The following CCBE1 variants were observed in gnomAD, a reference collection of about 807,000 sequenced individuals.
CCBE1 encodes collagen and calcium binding EGF domains 1.
CCBE1 carries 37 observed loss-of-function variants against 50.0 expected under a neutral mutation model. That is an observed-to-expected ratio of 0.74 (90% CI 0.57 to 0.97). The LOEUF is 0.97. Ranked by LOEUF, CCBE1 falls within the 50% of genes least tolerant of loss-of-function variation. The pLI, the probability that CCBE1 is intolerant of heterozygous loss-of-function variation, is 0.00. For missense variants in CCBE1, 538 were observed against 523.8 expected, an observed-to-expected ratio of 1.03 and a Z score of -0.26; for synonymous variants, 234 against 203.7, an observed-to-expected ratio of 1.15 and a Z score of -1.27.
intron 2 of CCBE1, among the ~76,000 whole-genome samples, chr18:59,539,445 A>G (rs1226288367): frequency 6.6e-6 from 1 of 152,132 alleles, no homozygotes; most frequent in Admixed American, 6.5e-5. Context: ...CAAACTTAGA[A>G]CAGCTATGGT....
At position 59,567,528 on chromosome 18, in the gene CCBE1, A is replaced by G. The variant is rs960184933; in HGVS notation, c.213-87290T>C. ...AATCCAGCAGACAGCGATGGGAAGC[A>G]AATGATTGCAGTCATGCTTTTTCCT... On this transcript the variant is annotated intron_variant, in intron 2 of 10. Coordinates refer to ENST00000439986, the MANE Select transcript of CCBE1 (RefSeq NM_133459.4). Among the ~76,000 whole-genome samples, 4 of 152,226 alleles carry G rather than the reference A, an allele frequency of 2.6e-5. No homozygotes were observed. In the East Asian group the frequency reaches 7.7e-4, roughly 29 times the overall value.
intron 2 of CCBE1, among the ~76,000 whole-genome samples, chr18:59,612,938 C>G (rs1208959477): frequency 6.7e-6 from 1 of 149,976 alleles, no homozygotes; most frequent in East Asian, 2.0e-4. Flanking sequence ...GAAGGCAAGA[C>G]TCACACATGT....
Position 59,586,230 on chromosome 18 carries a change from T to A in CCBE1, c.213-105992A>T, listed in dbSNP as rs186139044. Among the ~76,000 whole-genome samples, 127 of 152,268 alleles carry A rather than the reference T, an allele frequency of 8.3e-4. 1 individual carries two copies. Among genetic ancestry groups the A allele is most frequent in the Admixed American group, 2.4e-3 (37 of 15,288 alleles). On this transcript the variant is annotated intron_variant, in intron 2 of 10. Transcript: ENST00000439986. Reference sequence around the variant, plus strand: ...TTTTAAAACAAAAGTCACATGATACTCCCTGGGAAGAAGAGGGAATGAGCC... The same window carrying A: ...TTTTAAAACAAAAGTCACATGATACACCCTGGGAAGAAGAGGGAATGAGCC...
chr18:59,525,401 G>A (rs1182867320), intron 2 of CCBE1, among the ~76,000 whole-genome samples: 1 of 152,100 alleles, frequency 6.6e-6, no homozygotes, highest in African/African-American at 2.4e-5. Flanking sequence ...TCATGTCTTT[G>A]CCAACTTTTT....
intron 2 of CCBE1, among the ~76,000 whole-genome samples, chr18:59,614,577 A>G (rs935520703): frequency 6.6e-6 from 1 of 152,182 alleles, no homozygotes; most frequent in Non-Finnish European, 1.5e-5. Flanking sequence ...ATTTTTCTCA[A>G]GACCCATGCT....
At chr18:59,470,373 G>A (rs1165857166) in intron 3 of CCBE1, among the ~76,000 whole-genome samples, 3 of 152,140 alleles carry the variant, frequency 2.0e-5, no homozygotes, top group Non-Finnish European at 4.4e-5. Flanking sequence ...CATGACACGA[G>A]GGAATTAAGG....
At chr18:59,693,963 CT>C (rs2054771929) in intron 2 of CCBE1, among the ~76,000 whole-genome samples, 1 of 148,868 alleles carries the variant, frequency 6.7e-6, no homozygotes, top group Non-Finnish European at 1.5e-5. Flanking sequence ...CCTCCGCCTC[CT>C]GGTTTCAAAC....
At position 59,475,171 on chromosome 18, in the gene CCBE1, C is replaced by T. The variant is rs560064096; in HGVS notation, c.265+5015G>A. On this transcript the variant is annotated intron_variant, in intron 3 of 10. Coordinates refer to ENST00000439986, the MANE Select transcript of CCBE1 (RefSeq NM_133459.4). ...ATTTTCTATCCTCTCTGTCCTATTTCTTTTGGCACCATTCTAACTCAGACC... is the reference window on the plus strand; with the variant it reads ...ATTTTCTATCCTCTCTGTCCTATTTTTTTTGGCACCATTCTAACTCAGACC... Among the ~76,000 whole-genome samples, 6 of 152,282 alleles carry T rather than the reference C, an allele frequency of 3.9e-5. No individual in the cohort carries two copies. The East Asian group carries it at 1.2e-3, about 29-fold the overall frequency.
At chr18:59,547,618 A>C (rs753378486) in intron 2 of CCBE1, among the ~76,000 whole-genome samples, 17 of 152,212 alleles carry the variant, frequency 1.1e-4, no homozygotes, top group African/African-American at 4.1e-4. Flanking sequence ...TGGATCACAC[A>C]CCTGATAAAG....
At chr18:59,655,900 G>A (rs2054182814) in intron 2 of CCBE1, among the ~76,000 whole-genome samples, 1 of 152,226 alleles carries the variant, frequency 6.6e-6, no homozygotes, top group African/African-American at 2.4e-5. Flanking sequence ...TGGGAAAGCA[G>A]ACAGAACACC....
intron 2 of CCBE1, among the ~76,000 whole-genome samples, chr18:59,557,547 G>A (rs949211): frequency 0.74 from 111,861 of 151,990 alleles, 41,407 homozygotes; most frequent in East Asian, 0.88. Flanking sequence ...TGAGAAATAC[G>A]AAGTACCTCT....
chr18:59,438,757 C>A (rs1297144415), intron 9 of CCBE1, among the ~76,000 whole-genome samples: 1 of 152,152 alleles, frequency 6.6e-6, no homozygotes, highest in Non-Finnish European at 1.5e-5. Context: ...GGAAAAAGTT[C>A]TATCTGGTAT....
At chr18:59,605,156 C>T (rs1434039953) in intron 2 of CCBE1, among the ~76,000 whole-genome samples, 1 of 152,160 alleles carries the variant, frequency 6.6e-6, no homozygotes, top group East Asian at 1.9e-4. Flanking sequence ...GAGGCTGCTC[C>T]CCCTAGGAGG....
At chr18:59,461,950 T>C (rs1598920111) in intron 5 of CCBE1, among the ~76,000 whole-genome samples, 1 of 152,130 alleles carries the variant, frequency 6.6e-6, no homozygotes, top group Admixed American at 6.5e-5. Context: ...GCCAGGCTGG[T>C]CTTGAACTTC....
At chr18:59,447,233 G>A (rs1428908646) in intron 7 of CCBE1, among the ~76,000 whole-genome samples, 4 of 152,202 alleles carry the variant, frequency 2.6e-5, no homozygotes, top group African/African-American at 7.2e-5. Context: ...GTGTATATAT[G>A]TGTATAAAGA....
chr18:59,613,214 G>A (rs144144750), intron 2 of CCBE1, among the ~76,000 whole-genome samples: 13 of 152,144 alleles, frequency 8.5e-5, no homozygotes, highest in African/African-American at 3.1e-4. Flanking sequence ...GGATAACTAC[G>A]CAACTACATA....
chr18:59,614,750 A>T (rs1230366786), intron 2 of CCBE1, among the ~76,000 whole-genome samples: 1 of 152,246 alleles, frequency 6.6e-6, no homozygotes, highest in Non-Finnish European at 1.5e-5. Context: ...TTGTCGTCAC[A>T]GTCCTAAAGC....
chr18:59,485,903 A>ATT (rs201348941), intron 2 of CCBE1, among the ~76,000 whole-genome samples: 1,796 of 145,528 alleles, frequency 0.012, 39 homozygotes, highest in African/African-American at 0.042. Flanking sequence ...GCCCGGCCAG[A>ATT]TTTTTTTTTT....
At chr18:59,492,144 CAAAAAA>C (rs869190811) in intron 2 of CCBE1, among the ~76,000 whole-genome samples, 2,442 of 78,508 alleles carry the variant, frequency 0.031, 101 homozygotes, top group East Asian at 0.23. Flanking sequence ...GACTTTGTCT[CAAAAAA>C]AAAAAAAAAA....
Sources: allele counts gnomAD v4.1 joint callset (sites outside exome capture counted in the v4.1 genomes callset), GRCh38; gene constraint gnomAD v4.1.1; transcripts MANE v1.5; gene names NCBI Gene and HGNC (gene_info 2026-07-23, HGNC 2026-07-21).